DCLK1: variants seen among roughly 807,000 people sequenced by gnomAD.
DCLK1 encodes doublecortin like kinase 1, also known as serine/threonine-protein kinase DCLK1.
DCLK1 carries 16 observed loss-of-function variants against 86.2 expected under a neutral mutation model. That is an observed-to-expected ratio of 0.19 (90% CI 0.13 to 0.28). The LOEUF (loss-of-function observed/expected upper bound fraction) is 0.28, where lower values mean the gene tolerates loss of function less well. Ranked by LOEUF, DCLK1 falls within the 10% of genes least tolerant of loss-of-function variation. The pLI is 1.00. For missense variants in DCLK1, 590 were observed against 940.2 expected (o/e 0.63, Z 4.87); for synonymous variants, 369 against 370.5 (o/e 1.00, Z 0.05).
At chr13:35,993,913 G>C (rs1468232676) in intron 3 of DCLK1, among the ~76,000 whole-genome samples, 2 of 151,698 alleles carry the variant, frequency 1.3e-5, no homozygotes, top group Admixed American at 1.3e-4. Context: ...CAAAGCCAAA[G>C]TCTTTAAAGA....
At chr13:36,067,315 A>G (rs1268083068) in intron 3 of DCLK1, among the ~76,000 whole-genome samples, 2 of 149,236 alleles carry the variant, frequency 1.3e-5, no homozygotes, top group Admixed American at 1.3e-4. Flanking sequence ...AGGACAAAAA[A>G]CCAACCACCA....
chr13:36,051,692 C>G (rs759927104), intron 3 of DCLK1, among the ~76,000 whole-genome samples: 1 of 152,008 alleles, frequency 6.6e-6, no homozygotes, highest in Non-Finnish European at 1.5e-5. Flanking sequence ...CTGATTTAAG[C>G]GAAGAATGGT....
chr13:35,825,093 T>C (rs1054966333), intron 10 of DCLK1, among the ~76,000 whole-genome samples: 8 of 152,340 alleles, frequency 5.3e-5, no homozygotes, highest in Middle Eastern at 3.4e-3. Flanking sequence ...CTGATGAGCA[T>C]GGAATTTCAT....
At chr13:36,045,377 T>TATATATATATATATATATAC (rs568110221) in intron 3 of DCLK1, among the ~76,000 whole-genome samples, 2 of 125,080 alleles carry the variant, frequency 1.6e-5, no homozygotes, top group African/African-American at 2.9e-5. Context: ...TATATATATA[T>TATATATATATATATATATAC]TTCAAGGTAA....
At position 35,949,499 on chromosome 13, in the gene DCLK1, A is replaced by T. The variant is rs189155035; in HGVS notation, c.724-2042T>A. On this transcript the variant is annotated intron_variant, in intron 3 of 16. Coordinates refer to ENST00000360631, the MANE Select transcript of DCLK1 (RefSeq NM_001330071.2). ...GCTGATAAATATTTCACTGCCAACT[A>T]ATTTACTCACTCAGACATTTATGAT... Among the ~76,000 whole-genome samples, 304 of 152,252 alleles carry T rather than the reference A, an allele frequency of 2.0e-3. 1 individual carries two copies. The highest frequency in any genetic ancestry group is 6.5e-3 in the African/African-American group (270 of 41,548).
chr13:36,085,181 G>A (rs949060214), intron 3 of DCLK1, among the ~76,000 whole-genome samples: 12 of 152,178 alleles, frequency 7.9e-5, no homozygotes, highest in African/African-American at 2.2e-4. Context: ...TGAAACAAAT[G>A]CCTATATGCT....
chr13:35,797,535 T>C (rs982755257), intron 15 of DCLK1, among the ~76,000 whole-genome samples: 7 of 152,302 alleles, frequency 4.6e-5, no homozygotes, highest in African/African-American at 1.4e-4. Context: ...TTAGTTCACA[T>C]TGAAGCAATG....
chr13:35,901,477 G>A (rs1475765910), intron 4 of DCLK1, among the ~76,000 whole-genome samples: 1 of 101,356 alleles, frequency 9.9e-6, no homozygotes, highest in African/African-American at 4.0e-5. Flanking sequence ...GTGACAGAGT[G>A]AGAGACTCTG....
intron 16 of DCLK1, among the ~76,000 whole-genome samples, chr13:35,775,401 T>G (rs2086407277): frequency 6.6e-6 from 1 of 152,196 alleles, no homozygotes; most frequent in African/African-American, 2.4e-5. Flanking sequence ...GAGATTCAAT[T>G]TTGTAGGTAT....
chr13:36,102,427 T>C (rs1471811792), intron 3 of DCLK1, among the ~76,000 whole-genome samples: 1 of 152,186 alleles, frequency 6.6e-6, no homozygotes, highest in East Asian at 1.9e-4. Flanking sequence ...ATTTAACAAA[T>C]TGTAAGCATC....
chr13:35,965,391 T>C (rs1339847012), intron 3 of DCLK1, among the ~76,000 whole-genome samples: 1 of 152,242 alleles, frequency 6.6e-6, no homozygotes, highest in African/African-American at 2.4e-5. Context: ...TTAACTGAAT[T>C]AACACGAGCA....
At chr13:35,949,771 A>G (rs891077900) in intron 3 of DCLK1, among the ~76,000 whole-genome samples, 13 of 150,842 alleles carry the variant, frequency 8.6e-5, no homozygotes, top group Non-Finnish European at 1.8e-4. Context: ...ACTGATGACC[A>G]TTCTCCAAGT....
At chr13:35,794,266 A>G (rs994175985) in intron 15 of DCLK1, among the ~76,000 whole-genome samples, 16 of 152,234 alleles carry the variant, frequency 1.1e-4, no homozygotes, top group African/African-American at 3.9e-4. Flanking sequence ...TTTGCTCACT[A>G]TAGAATCTCC....
In DCLK1 at chr13:35,798,806, A is replaced by G. The variant is rs539059443; in HGVS notation, c.1945-5327T>C. ...ATTGCTAACAAATTCTACCAGCACA[A>G]TAAGATGAATGTTTACATTTTTGTG... is the stretch of plus-strand genomic sequence containing the variant. On this transcript the variant is annotated intron_variant, in intron 15 of 16. Coordinates refer to ENST00000360631, the MANE Select transcript of DCLK1 (RefSeq NM_001330071.2). Among the ~76,000 whole-genome samples the G allele has an allele frequency of 1.6e-4, 24 of 152,352 alleles. No homozygotes were observed. In the East Asian group the frequency reaches 4.4e-3, roughly 28 times the overall value.
At chr13:35,837,201 G>T (rs1869447319) in intron 7 of DCLK1, among the ~76,000 whole-genome samples, 1 of 152,200 alleles carries the variant, frequency 6.6e-6, no homozygotes, top group Non-Finnish European at 1.5e-5. Flanking sequence ...ATAATCATCA[G>T]ATATCTGCAT....
At chr13:35,808,699 C>T (rs1233790907) in intron 13 of DCLK1, among the ~76,000 whole-genome samples, 4 of 151,842 alleles carry the variant, frequency 2.6e-5, no homozygotes, top group African/African-American at 7.3e-5. Context: ...AGGAGAACTG[C>T]TTGAACTTGG....
At chr13:35,847,394 T>G (rs1870258009) in intron 6 of DCLK1, 1 of 985,052 alleles carries the variant, frequency 1.0e-6, no homozygotes, top group Non-Finnish European at 1.2e-6. Context: ...TACTTTACTG[T>G]TGATGGTTTA....
intron 3 of DCLK1, among the ~76,000 whole-genome samples, chr13:36,065,269 G>A (rs962822092): frequency 1.3e-5 from 2 of 152,192 alleles, no homozygotes; most frequent in South Asian, 4.1e-4. Context: ...CATCTTACAG[G>A]GTTGTTGTGA....
At chr13:36,013,990 C>A (rs1881419211) in intron 3 of DCLK1, among the ~76,000 whole-genome samples, 1 of 152,178 alleles carries the variant, frequency 6.6e-6, no homozygotes, top group African/African-American at 2.4e-5. Context: ...TCCGTCACCC[C>A]TTTCTTTGAC....
Sources: allele counts gnomAD v4.1 joint callset (sites outside exome capture counted in the v4.1 genomes callset), GRCh38; gene constraint gnomAD v4.1.1; transcripts MANE v1.5; gene names NCBI Gene and HGNC (gene_info 2026-07-23, HGNC 2026-07-21).